Variants in DAB1 observed in about 807,000 individuals in gnomAD.
DAB1 encodes DAB adaptor protein 1, also known as disabled homolog 1.
A neutral mutation model predicts 64.6 loss-of-function variants in DAB1; 15 were observed. That is an observed-to-expected ratio of 0.23 (90% confidence interval 0.16 to 0.36). The LOEUF (loss-of-function observed/expected upper bound fraction) is 0.36. Among genes scored for constraint, DAB1 ranks in the 10% least tolerant of loss-of-function variants. The probability of loss-of-function intolerance (pLI) is 1.00; values close to 1 mark genes in which losing one functional copy is unlikely to be tolerated. For synonymous variants in DAB1, 235 were observed against 251.9 expected (o/e 0.93, Z 0.64); for missense variants, 596 against 706.7 (o/e 0.84, Z 1.78).
At chr1:58,056,109 T>C (rs964079763) in intron 5 of DAB1, 2 of 1,016,962 alleles carry the variant, frequency 2.0e-6, no homozygotes, top group Non-Finnish European at 3.1e-6. Flanking sequence ...ATAGCCTGTC[T>C]TCAGTCTTTA....
At chr1:57,047,050 A>G (rs1352467158) in intron 9 of DAB1, among the ~76,000 whole-genome samples, 1 of 152,164 alleles carries the variant, frequency 6.6e-6, no homozygotes, top group African/African-American at 2.4e-5. Flanking sequence ...TTCACTTTCA[A>G]GAGTGCCCAG....
At chr1:57,899,944 T>A (rs534811345) in intron 5 of DAB1, among the ~76,000 whole-genome samples, 2 of 151,736 alleles carry the variant, frequency 1.3e-5, no homozygotes, top group African/African-American at 4.8e-5. Flanking sequence ...TTTCTTTTTT[T>A]TTTTTATTTT....
In DAB1 at chr1:57,103,708, T is replaced by A. The variant is rs1654889164; in HGVS notation, c.307-31294A>T. 2.0e-5 allele frequency among the ~76,000 whole-genome samples: 3 copies of A among 152,056 alleles called. No individual in the cohort carries two copies. In the South Asian group the frequency reaches 6.2e-4, roughly 32 times the overall value. The stretch of plus-strand genomic sequence containing the variant: ...ACTTTGATCTTAGCCTAAGAGCAAA[T>A]GAAGCCACCAAAAAGCTTTAAGTGG... On this transcript the variant is annotated intron_variant, in intron 4 of 14. Coordinates refer to ENST00000371236, the MANE Select transcript of DAB1 (RefSeq NM_001365792.1).
intron 5 of DAB1, among the ~76,000 whole-genome samples, chr1:58,089,214 G>C (rs1327690244): frequency 6.6e-6 from 1 of 152,200 alleles, no homozygotes; most frequent in Non-Finnish European, 1.5e-5. Flanking sequence ...CTCTCTTACT[G>C]TAATTTTTGG....
intron 7 of DAB1, among the ~76,000 whole-genome samples, chr1:57,505,303 A>G (rs762463609): frequency 6.6e-6 from 1 of 152,208 alleles, no homozygotes; most frequent in Non-Finnish European, 1.5e-5. Context: ...TTTACTCATT[A>G]GCTAATTTAA....
intron 3 of DAB1, among the ~76,000 whole-genome samples, chr1:58,351,855 T>A (rs1324568981): frequency 6.9e-6 from 1 of 145,630 alleles, no homozygotes; most frequent in Non-Finnish European, 1.5e-5. Flanking sequence ...AGAAGCCTGT[T>A]GAGCCATACT....
At chr1:58,041,482 T>C (rs1308015538) in intron 5 of DAB1, among the ~76,000 whole-genome samples, 1 of 152,168 alleles carries the variant, frequency 6.6e-6, no homozygotes, top group African/African-American at 2.4e-5. Flanking sequence ...GTCTATATAC[T>C]CTCATTTAAA....
intron 3 of DAB1, among the ~76,000 whole-genome samples, chr1:58,373,588 T>C (rs1338635808): frequency 1.3e-5 from 2 of 151,872 alleles, no homozygotes; most frequent in East Asian, 1.9e-4. Flanking sequence ...GACATTTGGG[T>C]TGGTTCCAAG....
chr1:57,445,017 C>T (rs1686085134), intron 7 of DAB1, among the ~76,000 whole-genome samples: 1 of 152,116 alleles, frequency 6.6e-6, no homozygotes, highest in South Asian at 2.1e-4. Flanking sequence ...TTATATAGAA[C>T]TCACCACAGT....
chr1:57,450,923 A>G (rs1558392753), intron 7 of DAB1, among the ~76,000 whole-genome samples: 1 of 152,230 alleles, frequency 6.6e-6, no homozygotes, highest in Non-Finnish European at 1.5e-5. Context: ...TCTGTTATCT[A>G]ATCGTCTCAC....
chr1:57,959,820 G>A (rs911390386), intron 5 of DAB1, among the ~76,000 whole-genome samples: 1 of 152,164 alleles, frequency 6.6e-6, no homozygotes, highest in African/African-American at 2.4e-5. Context: ...TTGGCTCCTT[G>A]GGGACCTTTC....
chr1:57,243,910 G>A (rs1668678226), intron 2 of DAB1, among the ~76,000 whole-genome samples: 1 of 152,028 alleles, frequency 6.6e-6, no homozygotes, highest in Non-Finnish European at 1.5e-5. Context: ...CAATTCATCC[G>A]TATCTCTTGC....
At chr1:57,488,693 A>C (rs927090943) in intron 7 of DAB1, among the ~76,000 whole-genome samples, 3 of 151,880 alleles carry the variant, frequency 2.0e-5, no homozygotes, top group Non-Finnish European at 2.9e-5. Context: ...AAATAATAAA[A>C]TAAAATAAAA....
rs990606871 is a variant in DAB1, at chr1:57,830,476, C to T, written n.88-4021G>A. Among the ~76,000 whole-genome samples, 76 of 152,250 alleles carry T rather than the reference C, an allele frequency of 5.0e-4. 1 individual carries two copies. Among genetic ancestry groups the T allele is most frequent in the African/African-American group, 1.7e-3 (71 of 41,548 alleles). On this transcript the variant is annotated intron_variant and non_coding_transcript_variant, in intron 1 of 1. Transcript: ENST00000477280. ...AGAGGCAGGATTTAAACCCAGGCAG[C>T]GTGACCTCAAAGCTGGCCTTCTCAA...
intron 5 of DAB1, among the ~76,000 whole-genome samples, chr1:58,083,383 A>G (rs1045101494): frequency 2.6e-5 from 4 of 152,174 alleles, no homozygotes; most frequent in African/African-American, 9.7e-5. Context: ...TTCTTCTCCA[A>G]GGCACTCTAG....
At chr1:58,014,723 C>T (rs1336038278) in intron 5 of DAB1, among the ~76,000 whole-genome samples, 1 of 152,150 alleles carries the variant, frequency 6.6e-6, no homozygotes, top group East Asian at 1.9e-4. Context: ...TGGTGCCAGG[C>T]ACATGGTGAA....
chr1:57,295,782 C>G (rs990359869), intron 1 of DAB1, among the ~76,000 whole-genome samples: 2 of 152,062 alleles, frequency 1.3e-5, no homozygotes, highest in Admixed American at 6.6e-5. Flanking sequence ...CAGAATACAG[C>G]TTTTTGCATA....
At chr1:57,984,736 G>A (rs76690137) in intron 5 of DAB1, among the ~76,000 whole-genome samples, 11,729 of 152,166 alleles carry the variant, frequency 0.077, 515 homozygotes, top group Non-Finnish European at 0.082. Flanking sequence ...CAGTTAAATT[G>A]CATTTATCTG....
intron 2 of DAB1, among the ~76,000 whole-genome samples, chr1:58,508,939 T>C (rs1385698040): frequency 2.6e-5 from 4 of 152,056 alleles, no homozygotes; most frequent in East Asian, 3.9e-4. Context: ...GTAGCACTGA[T>C]AGGACCCAGC....
Sources: allele counts gnomAD v4.1 joint callset (sites outside exome capture counted in the v4.1 genomes callset), GRCh38; gene constraint gnomAD v4.1.1; transcripts MANE v1.5; gene names NCBI Gene and HGNC (gene_info 2026-07-23, HGNC 2026-07-21).